Variants in RRM2B observed in about 807,000 individuals in gnomAD.
RRM2B encodes the protein ribonucleotide reductase regulatory TP53 inducible subunit M2B.
RRM2B carries 20 observed loss-of-function variants against 45.9 expected under a neutral mutation model. That is an observed-to-expected ratio of 0.44 (90% CI 0.31 to 0.63). The LOEUF is 0.63. Among genes scored for constraint, RRM2B ranks in the 30% least tolerant of loss-of-function variants. The pLI, the probability that RRM2B is intolerant of heterozygous loss-of-function variation, is 0.09. For synonymous variants in RRM2B, 124 were observed against 132.3 expected (o/e 0.94, Z 0.43); for missense variants, 320 against 414.7 (o/e 0.77, Z 1.98).
rs922988015 is a variant in RRM2B at position 102,206,844 on chromosome 8, T to A, written c.*1289A>T. 1.3e-5 allele frequency: 2 copies of A among 152,174 alleles called. No individual in the cohort carries two copies. The highest frequency in any genetic ancestry group is 2.9e-5 in the Non-Finnish European group (2 of 68,012). The allele number at this position is 152,174 out of a possible 1,614,324, so 9.4% of individuals were successfully genotyped here. A position where few individuals can be genotyped will look rare whatever the true frequency, so the allele number is the denominator to read the frequency against. Reference sequence around the variant, plus strand: ...GAGAAACCTCCTTTTCCCTCACCATTGGCTATCATGTTGCATAGTCACATT... The same window carrying A: ...GAGAAACCTCCTTTTCCCTCACCATAGGCTATCATGTTGCATAGTCACATT... On this transcript the variant is annotated 3_prime_UTR_variant, in exon 9 of 9. Transcript: ENST00000251810.
intron 6 of RRM2B, among the ~76,000 whole-genome samples, 176 bp downstream of exon 6, chr8:102,218,638 A>G (rs952646724): frequency 4.0e-5 from 6 of 151,296 alleles, no homozygotes; most frequent in African/African-American, 1.5e-4. Flanking sequence ...GATGGGAGGA[A>G]TGCTTGAGCC....
intron 8 of RRM2B, among the ~76,000 whole-genome samples, chr8:102,210,441 A>T (rs920124482): frequency 1.3e-5 from 2 of 152,126 alleles, no homozygotes; most frequent in African/African-American, 2.4e-5. Context: ...AAAAAAACAA[A>T]CTAAATTAAG....
At chr8:102,208,331 T>G in intron 8 of RRM2B, 46 bp from the exon 9 acceptor site, 1 of 1,357,664 alleles carries the variant, frequency 7.4e-7, no homozygotes, top group Non-Finnish European at 1.0e-6. Context: ...GAGATCAAAT[T>G]ACATCCACAA....
rs1318314510 is a variant in RRM2B, at chr8:102,204,990, C to A, written c.*3143G>T. 6.6e-6 allele frequency: 1 copy of A among 151,936 alleles called. No homozygotes were observed. Among genetic ancestry groups the A allele is most frequent in the African/African-American group, 2.4e-5 (1 of 41,430 alleles). 9.4% of individuals were successfully genotyped at this position (151,936 alleles called of 1,614,324 possible). ...ATGAGATTCTCTTTCAAATCTTTAA[C>A]TTTTTACAAAGGAGCAGAGCACTTA... On this transcript the variant is annotated 3_prime_UTR_variant, in exon 9 of 9. Coordinates refer to ENST00000251810, the MANE Select transcript of RRM2B (RefSeq NM_015713.5).
chr8:102,238,569 G>A (rs1264793668), intron 1 of RRM2B: 1 of 1,521,976 alleles, frequency 6.6e-7, no homozygotes, highest in Non-Finnish European at 8.8e-7. Context: ...CCCGGCCTGA[G>A]GCCTCCAAGC....
chr8:102,208,371 A>C, intron 8 of RRM2B, 86 bp from the exon 9 acceptor site: 1 of 996,972 alleles, frequency 1.0e-6, no homozygotes, highest in South Asian at 1.4e-5. Context: ...AACAGAGGTC[A>C]GGTTTCTCAA....
At chr8:102,238,775 T>C (rs765279392) in intron 1 of RRM2B, 52 bp downstream of exon 1, 38 of 1,613,236 alleles carry the variant, frequency 2.4e-5, no homozygotes, top group Non-Finnish European at 3.1e-5. Context: ...ACTTGCAATC[T>C]AACGGGCTGG....
chr8:102,213,970 C>T (rs1284987346), intron 7 of RRM2B, 84 bp downstream of exon 7: 20 of 928,928 alleles, frequency 2.2e-5, no homozygotes, highest in Non-Finnish European at 3.0e-5. Flanking sequence ...TATTGACCTA[C>T]AGAATTTCTT....
At chr8:102,219,308 G>A (rs1157780172) in intron 5 of RRM2B, among the ~76,000 whole-genome samples, 1 of 152,224 alleles carries the variant, frequency 6.6e-6, no homozygotes, top group African/African-American at 2.4e-5. Context: ...GTGTGTACTG[G>A]AGAGTAGAAG....
chr8:102,237,306 T>G (rs1811137750), intron 1 of RRM2B, among the ~76,000 whole-genome samples: 1 of 152,232 alleles, frequency 6.6e-6, no homozygotes, highest in Non-Finnish European at 1.5e-5. Context: ...TCAGGAGATT[T>G]ATAAAGCCCC....
At chr8:102,234,764 C>G in intron 1 of RRM2B, 1 of 153,642 alleles carries the variant, frequency 6.5e-6, no homozygotes, top group South Asian at 2.0e-4. Flanking sequence ...GCAGGAGAAT[C>G]ACTTGAACCC....
intron 1 of RRM2B, among the ~76,000 whole-genome samples, chr8:102,236,045 T>C (rs1394370517): frequency 6.6e-6 from 1 of 151,972 alleles, no homozygotes; most frequent in African/African-American, 2.4e-5. Context: ...AAAGGGCAGA[T>C]GAAAGAAGAG....
rs201729227 is a variant in RRM2B at position 102,217,194 on chromosome 8, G to A, written c.684+1620C>T. ...TGCTTAATGCCACAGAAAAATGATT[G>A]CAGTATTTTGCCAAGTGGAAAAAGA... On this transcript the variant is annotated intron_variant, in intron 6 of 8. Transcript: ENST00000251810. 4.6e-5 allele frequency among the ~76,000 whole-genome samples: 7 copies of A among 152,118 alleles called. No homozygotes were observed. The East Asian group carries it at 1.3e-3, about 29-fold the overall frequency.
rs1455405173 is a variant in RRM2B at position 102,232,292 on chromosome 8, C to T, written c.61G>A (p.Asp21Asn). Residue 21 changes from aspartate (D) to asparagine (N), a missense_variant, in exon 2 of 9, where the codon GAC (aspartate) becomes AAC (asparagine). By Grantham distance (23) the Asp-to-Asn change is conservative. This residue lies in a region of RRM2B where 48 missense variants were observed against 35.3 expected (regional missense o/e 1.36). Coordinates refer to ENST00000251810, the MANE Select transcript of RRM2B (RefSeq NM_015713.5). ...GLDQDERSSSDTNESEIKSNE... is the reference protein window; with the variant it reads ...GLDQDERSSSNTNESEIKSNE... ...GACTTTATTTCACTTTCGTTGGTGT[C>T]TGAAGATGATCTCTTTGAAAAATAA... The T allele has an allele frequency of 6.2e-7, 1 of 1,614,058 alleles. No individual in the cohort carries two copies. Among genetic ancestry groups the T allele is most frequent in the Non-Finnish European group, 8.5e-7 (1 of 1,179,956 alleles).
intron 7 of RRM2B, 61 bp downstream of exon 7, chr8:102,213,992 TA>T: frequency 8.9e-7 from 1 of 1,127,972 alleles, no homozygotes; most frequent in Non-Finnish European, 1.4e-6. Flanking sequence ...TGAGTCAATA[TA>T]ATAGTGGTAC....
At chr8:102,223,661 A>C (rs1810873003) in intron 5 of RRM2B, among the ~76,000 whole-genome samples, 1 of 146,000 alleles carries the variant, frequency 6.8e-6, no homozygotes, top group South Asian at 2.1e-4. Flanking sequence ...ACGCCACCAC[A>C]CTCCAGCCTA....
chr8:102,214,195 T>C (rs762216300), intron 6 of RRM2B, 37 bp from the exon 7 acceptor site: 2 of 1,395,630 alleles, frequency 1.4e-6, no homozygotes, highest in Non-Finnish European at 1.0e-6. Context: ...CAAATAACTT[T>C]TAATCAGCTA....
chr8:102,237,420 C>A (rs1811139755), intron 1 of RRM2B, among the ~76,000 whole-genome samples: 1 of 152,200 alleles, frequency 6.6e-6, no homozygotes. Flanking sequence ...ATGCAGATCT[C>A]AAGAGATTTT....
chr8:102,210,412 G>A (rs1468646967), intron 8 of RRM2B, among the ~76,000 whole-genome samples: 1 of 151,438 alleles, frequency 6.6e-6, no homozygotes, highest in Non-Finnish European at 1.5e-5. Flanking sequence ...TTCATGGCAT[G>A]GACAAAGTAA....
Sources: gnomAD v4.1 joint callset for allele counts (sites outside exome capture counted in the v4.1 genomes callset) on GRCh38, gnomAD v4.1.1 for gene constraint, gnomAD v4.1.1 regional missense constraint, MANE v1.5 for transcripts, NCBI Gene and HGNC (gene_info 2026-07-23, HGNC 2026-07-21) for gene names.